Variants in DNMT1 observed in about 807,000 individuals in gnomAD.
DNMT1 encodes the protein DNA methyltransferase 1.
DNMT1 carries 24 observed loss-of-function variants against 205.3 expected under a neutral mutation model. The ratio of observed to expected loss-of-function variants is 0.12; its 90% CI spans 0.08 to 0.16. DNMT1 has a LOEUF of 0.16. DNMT1 is among the 10% of genes least tolerant of loss of function. The pLI is 1.00. For missense variants in DNMT1, 1,293 were observed against 2,177.7 expected (o/e 0.59, Z 8.09); for synonymous variants, 817 against 839.8 (o/e 0.97, Z 0.47).
At position 10,133,773 on chromosome 19, in the gene DNMT1, C is replaced by T. The variant is rs955981352; in HGVS notation, c.4865-72G>A. ...GTCACGCCACTTGACAGGCGAGTAA[C>T]AGACATGGACCATCAGGAAACATTA... On this transcript the variant is annotated intron_variant, in intron 40 of 40. Coordinates refer to ENST00000359526, the MANE Select transcript of DNMT1 (RefSeq NM_001130823.3). The surrounding 1 kb of genome is among the most constrained non-coding windows in gnomAD (Gnocchi z 4.1). 6 of 1,472,208 alleles carry T rather than the reference C, an allele frequency of 4.1e-6. No individual in the cohort carries two copies. The Admixed American group carries it at 5.9e-5, about 14-fold the overall frequency. 91.2% of individuals were successfully genotyped at this position (1,472,208 alleles called of 1,614,324 possible).
At chr19:10,149,342 CAAAA>C in intron 26 of DNMT1, 107 bp downstream of exon 26, 2 of 1,042,580 alleles carry the variant, frequency 1.9e-6, no homozygotes, top group Non-Finnish European at 2.7e-6. Flanking sequence ...AAAAAAAAAA[CAAAA>C]AAAAAACCAA....
intron 27 of DNMT1, among the ~76,000 whole-genome samples, chr19:10,148,592 A>G (rs1169343671): frequency 6.6e-6 from 1 of 152,222 alleles, no homozygotes; most frequent in African/African-American, 2.4e-5. Context: ...AAAACATGCA[A>G]GAGCTGGGCA....
chr19:10,141,322 A>G lies in DNMT1; in HGVS notation c.3310-133T>C, dbSNP rs148880472. On this transcript the variant is annotated intron_variant, in intron 30 of 40. Transcript: ENST00000359526. ...GGGCCATGACCAATTAGCCACCAATAAGAGTAGTTTGACTTTGCTACAATA... is the reference window on the plus strand; with the variant it reads ...GGGCCATGACCAATTAGCCACCAATGAGAGTAGTTTGACTTTGCTACAATA... The G allele has an allele frequency of 4.4e-3, 3,696 of 848,700 alleles. 98 individuals carry two copies. In the African/African-American group the frequency reaches 0.054, roughly 12 times the overall value. 52.6% of individuals were successfully genotyped at this position (848,700 alleles called of 1,614,324 possible). A position where few individuals can be genotyped will look rare whatever the true frequency, so the allele number is the denominator to read the frequency against.
At chr19:10,141,349 A>T (rs2089597374) in intron 30 of DNMT1, 160 bp from the exon 31 acceptor site, 1 of 696,790 alleles carries the variant, frequency 1.4e-6, no homozygotes, top group Non-Finnish European at 2.5e-6. Flanking sequence ...GCTACAATAG[A>T]AACTTAAAAC....
At position 10,140,709 on chromosome 19, in the gene DNMT1, A is replaced by G; in HGVS notation, c.3523+72T>C. 1 of 1,612,218 alleles carries G rather than the reference A, an allele frequency of 6.2e-7. No individual in the cohort carries two copies. The highest frequency in any genetic ancestry group is 1.7e-5 in the Admixed American group (1 of 60,006). Reference sequence around the variant, plus strand: ...GAGTCAGGAAGGTGACCGGGGTTGGAAGTCGTTTCAGGTAGCACCTGCCCG... The same window carrying G: ...GAGTCAGGAAGGTGACCGGGGTTGGGAGTCGTTTCAGGTAGCACCTGCCCG... On this transcript the variant is annotated intron_variant, in intron 32 of 40. Transcript: ENST00000359526. The surrounding 1 kb of genome is among the most constrained non-coding windows in gnomAD (Gnocchi z 8.4).
chr19:10,191,704 G>A (rs1423135870), intron 1 of DNMT1, among the ~76,000 whole-genome samples: 1 of 152,120 alleles, frequency 6.6e-6, no homozygotes, highest in Non-Finnish European at 1.5e-5. Flanking sequence ...AAGAACTCTT[G>A]AGGAATAATG....
At position 10,154,456 on chromosome 19, in the gene DNMT1, G is replaced by T; in HGVS notation, c.1856C>A (p.Thr619Asn). The T allele has an allele frequency of 6.2e-7, 1 of 1,614,218 alleles. No individual in the cohort carries two copies. The highest frequency in any genetic ancestry group is 2.2e-5 in the East Asian group (1 of 44,884). The change falls in exon 22 of 41, where the codon ACC becomes AAC. Residue 619 changes from threonine (T) to asparagine (N), a missense_variant. Thr to Asn is a moderately conservative substitution (Grantham distance 65). Around this residue, in one of 13 missense-constraint regions of DNMT1, gnomAD observed 197 missense variants for 353.6 expected, o/e 0.56. Transcript: ENST00000359526. This position sits in a 1 kb window ranked among gnomAD's most constrained non-coding sequence, Gnocchi z 6.3. ...CTTCTCCCTGGTAGAATGCCTGATG[G>T]TCTGCCGCCTCGCCTGGGCTCGCCT... is the stretch of plus-strand genomic sequence containing the variant. ...GQRRAQARRQTIRHSTREKDR... is the reference protein window; with the variant it reads ...GQRRAQARRQNIRHSTREKDR...
chr19:10,167,347 C>T (rs913478885), intron 10 of DNMT1, among the ~76,000 whole-genome samples: 4 of 152,022 alleles, frequency 2.6e-5, no homozygotes, highest in Non-Finnish European at 5.9e-5. Context: ...AGGCATGCAC[C>T]ACCACACCCA....
chr19:10,138,009 C>T lies in DNMT1; in HGVS notation c.4116G>A (p.Arg1372=). ...TGGTCCGGAAAGGACCCGAGCTCAA[C>T]CTGCAACAGAGGAGGAGGTCAACAC... ...DDKKFVSNIT[R]LSSGPFRTIT... Residue 1372 remains arginine, a splice_region_variant and synonymous_variant, in exon 36 of 41, where the codon AGG becomes AGA. Coordinates refer to ENST00000359526, the MANE Select transcript of DNMT1 (RefSeq NM_001130823.3). The surrounding 1 kb of genome is among the most constrained non-coding windows in gnomAD (Gnocchi z 4.1). The T allele has an allele frequency of 6.2e-7, 1 of 1,610,026 alleles. No individual in the cohort carries two copies. The highest frequency in any genetic ancestry group is 8.5e-7 in the Non-Finnish European group (1 of 1,178,456).
intron 11 of DNMT1, 69 bp downstream of exon 11, chr19:10,166,529 G>A (rs1043118369): frequency 3.6e-5 from 57 of 1,589,594 alleles, no homozygotes; most frequent in East Asian, 4.5e-5. Context: ...CCCACCCTGC[G>A]CACTCCCGCC....
In DNMT1 at chr19:10,156,319, T is replaced by C; in HGVS notation, c.1399+72A>G. On this transcript the variant is annotated intron_variant, in intron 18 of 40. Coordinates refer to ENST00000359526, the MANE Select transcript of DNMT1 (RefSeq NM_001130823.3). This position sits in a 1 kb window ranked among gnomAD's most constrained non-coding sequence, Gnocchi z 4.2. The stretch of plus-strand genomic sequence containing the variant: ...GCCTCAGACCCCCAAAGTGCTAGGA[T>C]TACAGATGTGAGCCACCCTGCCTGG... 8.0e-7 allele frequency: 1 copy of C among 1,247,264 alleles called. No individual in the cohort carries two copies. The highest frequency in any genetic ancestry group is 1.2e-6 in the Non-Finnish European group (1 of 851,746). The allele number at this position is 1,247,264 out of a possible 1,614,324, so 77.3% of individuals were successfully genotyped here.
At chr19:10,186,399 C>G (rs969584676) in intron 1 of DNMT1, among the ~76,000 whole-genome samples, 3 of 152,090 alleles carry the variant, frequency 2.0e-5, no homozygotes, top group Non-Finnish European at 4.4e-5. Flanking sequence ...CCGATCACAC[C>G]TGCTGAAGCC....
rs975957081 is a variant in DNMT1 at position 10,180,186 on chromosome 19, C to T, written c.493+1G>A. The T allele has an allele frequency of 1.0e-4, 83 of 814,414 alleles. No homozygotes were observed. Among genetic ancestry groups the T allele is most frequent in the Admixed American group, 6.4e-4 (31 of 48,544 alleles). 50.4% of individuals were successfully genotyped at this position (814,414 alleles called of 1,614,324 possible). A position where few individuals can be genotyped will look rare whatever the true frequency, so the allele number is the denominator to read the frequency against. Reference sequence around the variant, plus strand: ...AATTAGCTGGGTGTGGTGGCACATACCTCTAATCCCAGTTACTTGGGAGGC... The same window carrying T: ...AATTAGCTGGGTGTGGTGGCACATATCTCTAATCCCAGTTACTTGGGAGGC... On this transcript the variant is annotated splice_donor_variant, in intron 5 of 40. Coordinates refer to ENST00000359526, the MANE Select transcript of DNMT1 (RefSeq NM_001130823.3). LOFTEE classifies it high-confidence loss of function.
In DNMT1 at chr19:10,154,533, G is replaced by A; in HGVS notation, c.1832+53C>T. 2.1e-5 allele frequency: 34 copies of A among 1,614,052 alleles called. No homozygotes were observed. Among genetic ancestry groups the A allele is most frequent in the Non-Finnish European group, 2.7e-5 (32 of 1,180,000 alleles). ...GACTGGGACAGAGGATGTGGGCCAT[G>A]CTCTACCCTCCCCGGTCTCCAGTCT... On this transcript the variant is annotated intron_variant, in intron 21 of 40. Coordinates refer to ENST00000359526, the MANE Select transcript of DNMT1 (RefSeq NM_001130823.3). The surrounding 1 kb of genome is among the most constrained non-coding windows in gnomAD (Gnocchi z 6.3).
chr19:10,183,083 A>ATATATATACACGTATATATACGTGTG (rs1568257269), intron 1 of DNMT1, among the ~76,000 whole-genome samples: 12 of 145,916 alleles, frequency 8.2e-5, no homozygotes, highest in South Asian at 2.1e-4. Flanking sequence ...ATGTGTGTGT[A>ATATATATACACGTATATATACGTGTG]TATATATATA....
At chr19:10,149,996 G>A in intron 24 of DNMT1, 28 bp from the exon 25 acceptor site, 1 of 1,600,344 alleles carries the variant, frequency 6.2e-7, no homozygotes, top group Non-Finnish European at 8.6e-7. Flanking sequence ...AGTTCATGGA[G>A]GATCATTCTG....
At chr19:10,167,105 G>T (rs1402510367) in intron 10 of DNMT1, among the ~76,000 whole-genome samples, 1 of 152,136 alleles carries the variant, frequency 6.6e-6, no homozygotes, top group Non-Finnish European at 1.5e-5. Flanking sequence ...ACTCTGCCAG[G>T]GCCCTGCCGC....
At chr19:10,173,977 G>T in intron 7 of DNMT1, 72 bp from the exon 8 acceptor site, 1 of 1,430,104 alleles carries the variant, frequency 7.0e-7, no homozygotes, top group Non-Finnish European at 9.9e-7. Flanking sequence ...CCAAAAGTGT[G>T]AGTTGAAATA....
At chr19:10,148,316 G>C (rs917557107) in intron 27 of DNMT1, among the ~76,000 whole-genome samples, 3 of 150,354 alleles carry the variant, frequency 2.0e-5, no homozygotes, top group African/African-American at 7.3e-5. Flanking sequence ...CTAACACAGT[G>C]AAACCTCGTC....
Sources: allele counts gnomAD v4.1 joint callset (sites outside exome capture counted in the v4.1 genomes callset), GRCh38; gene constraint gnomAD v4.1.1; regional missense constraint gnomAD v4.1.1; non-coding constraint Gnocchi (gnomAD v3.1); transcripts MANE v1.5; gene names NCBI Gene and HGNC (gene_info 2026-07-23, HGNC 2026-07-21).